Variants in GPC5 observed in about 807,000 individuals in gnomAD.
The protein encoded by GPC5 is glypican 5.
Under a neutral mutation model 53.9 loss-of-function variants are expected in GPC5, and 47 were observed. That is an observed-to-expected ratio of 0.87 (90% confidence interval 0.69 to 1.11). GPC5 has a LOEUF of 1.11. Ranked by LOEUF, GPC5 falls within the 50% of genes most tolerant of loss-of-function variation. GPC5 has a pLI of 0.00. For missense variants in GPC5, 748 were observed against 713.1 expected (o/e 1.05, Z -0.56); for synonymous variants, 286 against 263.3 (o/e 1.09, Z -0.84).
chr13:92,304,119 C>T (rs2043094033), intron 7 of GPC5, among the ~76,000 whole-genome samples: 1 of 151,992 alleles, frequency 6.6e-6, no homozygotes, highest in Admixed American at 6.6e-5. Flanking sequence ...TGGTGAACTC[C>T]ATGTCTTGTA....
intron 2 of GPC5, among the ~76,000 whole-genome samples, chr13:91,651,790 A>G (rs1410386294): frequency 6.6e-6 from 1 of 152,188 alleles, no homozygotes; most frequent in African/African-American, 2.4e-5. Flanking sequence ...GTGTTAATTA[A>G]GGAATTCTAA....
chr13:92,740,845 A>C (rs2139310462), intron 7 of GPC5, among the ~76,000 whole-genome samples: 1 of 150,482 alleles, frequency 6.6e-6, no homozygotes, highest in Non-Finnish European at 1.5e-5. Flanking sequence ...ATTGGGGGAA[A>C]AGTAGCCCAA....
chr13:92,356,892 C>A (rs188676987), intron 7 of GPC5, among the ~76,000 whole-genome samples: 1 of 152,254 alleles, frequency 6.6e-6, no homozygotes. Flanking sequence ...ACCACAGTGT[C>A]TTTTGTTCCC....
chr13:91,653,399 G>A (rs984420704), intron 2 of GPC5, among the ~76,000 whole-genome samples: 2 of 152,084 alleles, frequency 1.3e-5, no homozygotes. Context: ...GGGTGTAGAG[G>A]GGAGATGAGG....
At chr13:92,358,230 AAAT>A (rs2043538413) in intron 7 of GPC5, among the ~76,000 whole-genome samples, 1 of 151,776 alleles carries the variant, frequency 6.6e-6, no homozygotes, top group Admixed American at 6.5e-5. Context: ...TAAAGCTCCC[AAAT>A]AATCTTTATT....
chr13:92,647,331 C>G (rs12873752), intron 7 of GPC5, among the ~76,000 whole-genome samples: 36,259 of 152,030 alleles, frequency 0.24, 5,038 homozygotes, highest in South Asian at 0.39. Flanking sequence ...TGAATTTTAT[C>G]AAGTGCATTT....
chr13:92,322,380 C>T (rs909285617), intron 7 of GPC5, among the ~76,000 whole-genome samples: 2 of 151,692 alleles, frequency 1.3e-5, no homozygotes, highest in Non-Finnish European at 2.9e-5. Flanking sequence ...GACATTTGAC[C>T]ACAATTGTAT....
intron 6 of GPC5, among the ~76,000 whole-genome samples, chr13:91,926,084 C>T (rs1434403300): frequency 3.3e-5 from 5 of 151,998 alleles, no homozygotes; most frequent in Non-Finnish European, 5.9e-5. Flanking sequence ...GCAAAATAGC[C>T]GGGTGCAGTG....
At chr13:91,551,307 T>G (rs2030621929) in intron 2 of GPC5, among the ~76,000 whole-genome samples, 1 of 152,126 alleles carries the variant, frequency 6.6e-6, no homozygotes, top group African/African-American at 2.4e-5. Context: ...AAAATTATTG[T>G]CATTATATTT....
At chr13:92,007,312 A>G (rs2040616099) in intron 6 of GPC5, among the ~76,000 whole-genome samples, 1 of 152,202 alleles carries the variant, frequency 6.6e-6, no homozygotes, top group Non-Finnish European at 1.5e-5. Flanking sequence ...AACAGTAGAT[A>G]TATTGGCTGA....
At chr13:92,022,587 C>A (rs2040768137) in intron 6 of GPC5, among the ~76,000 whole-genome samples, 1 of 151,806 alleles carries the variant, frequency 6.6e-6, no homozygotes, top group Non-Finnish European at 1.5e-5. Context: ...TATTTGAATA[C>A]ATTTTAATAA....
At chr13:91,788,444 C>T (rs1412641424) in intron 5 of GPC5, among the ~76,000 whole-genome samples, 2 of 152,058 alleles carry the variant, frequency 1.3e-5, no homozygotes, top group East Asian at 1.9e-4. Flanking sequence ...TGTAGCAATG[C>T]ATTTTTTTGC....
chr13:92,222,353 C>T (rs4771855), intron 7 of GPC5, among the ~76,000 whole-genome samples: 48,292 of 151,934 alleles, frequency 0.32, 7,829 homozygotes, highest in Non-Finnish European at 0.33. Flanking sequence ...TTTGATGCAT[C>T]TGAAATTGTT....
rs193123383 is a variant in GPC5, at chr13:91,467,629, C to T, written c.325+18707C>T. 5.3e-5 allele frequency among the ~76,000 whole-genome samples: 8 copies of T among 152,030 alleles called. No homozygotes were observed. The East Asian group carries it at 1.5e-3, about 29-fold the overall frequency. ...GAACATTAGTTCAGATTTAGTTATC[C>T]TTTATCCTTTTGTTTTTAGTAACAT... On this transcript the variant is annotated intron_variant, in intron 2 of 7. Coordinates refer to ENST00000377067, the MANE Select transcript of GPC5 (RefSeq NM_004466.6).
intron 7 of GPC5, chr13:92,447,815 T>G (rs1877890860): frequency 1.3e-5 from 2 of 152,178 alleles, no homozygotes; most frequent in African/African-American, 4.8e-5. Flanking sequence ...AGAGTGCTAT[T>G]GCATTTCCAA....
chr13:91,630,836 TTTTTTTG>T (rs2034138948), intron 2 of GPC5, among the ~76,000 whole-genome samples: 1 of 146,438 alleles, frequency 6.8e-6, no homozygotes, highest in Non-Finnish European at 1.6e-5. Context: ...TTTTCTTTTG[TTTTTTTG>T]TTTTTTGTTT....
chr13:92,396,799 C>T lies in GPC5; in HGVS notation c.1561+251810C>T, dbSNP rs913533920. Among the ~76,000 whole-genome samples, 16 of 152,292 alleles carry T rather than the reference C, an allele frequency of 1.1e-4. No individual in the cohort carries two copies. In the South Asian group the frequency reaches 3.3e-3, roughly 32 times the overall value. On this transcript the variant is annotated intron_variant, in intron 7 of 7. Transcript: ENST00000377067. The stretch of plus-strand genomic sequence containing the variant: ...AAAATCGCTGTCTTGTAGAGGGCCT[C>T]TTTCTCTGGACTGTGACCTTTGCAT...
intron 7 of GPC5, among the ~76,000 whole-genome samples, chr13:92,813,962 A>G (rs1273056152): frequency 6.6e-6 from 1 of 151,998 alleles, no homozygotes; most frequent in Non-Finnish European, 1.5e-5. Context: ...ATTCGCTTGG[A>G]GAAGTTACAC....
At chr13:91,664,608 G>A (rs1276322767) in intron 2 of GPC5, among the ~76,000 whole-genome samples, 2 of 152,142 alleles carry the variant, frequency 1.3e-5, no homozygotes, top group Non-Finnish European at 2.9e-5. Flanking sequence ...CATTCATTCT[G>A]TATATACATG....
Sources: allele counts gnomAD v4.1 joint callset (sites outside exome capture counted in the v4.1 genomes callset), GRCh38; gene constraint gnomAD v4.1.1; transcripts MANE v1.5; gene names NCBI Gene and HGNC (gene_info 2026-07-23, HGNC 2026-07-21).